CHN2: variants seen among roughly 807,000 people sequenced by gnomAD.
CHN2 encodes the protein beta-chimaerin.
Under a neutral mutation model 56.3 loss-of-function variants are expected in CHN2, and 35 were observed. The observed-to-expected ratio is 0.62, with a 90% CI of 0.47 to 0.82. CHN2 has a LOEUF of 0.82. Among genes scored for constraint, CHN2 ranks in the 40% least tolerant of loss-of-function variants. The pLI is 0.00. For missense variants in CHN2, 491 were observed against 580.5 expected (o/e 0.85, Z 1.58); for synonymous variants, 210 against 212.8 (o/e 0.99, Z 0.12).
At chr7:29,346,883 C>T (rs1797481709) in intron 1 of CHN2, among the ~76,000 whole-genome samples, 3 of 152,158 alleles carry the variant, frequency 2.0e-5, no homozygotes, top group Admixed American at 6.5e-5. Context: ...TACACTTGCT[C>T]CTCAGGTGAT....
rs546703839 is a variant in CHN2 at position 29,436,858 on chromosome 7, C to T, written c.576+36030C>T. On this transcript the variant is annotated intron_variant, in intron 6 of 12. Transcript: ENST00000222792. ...TACAATACACATTCACAGAATTCCC[C>T]GGGTCTTAAACTTTTATATTCCAAT... 1.3e-4 allele frequency among the ~76,000 whole-genome samples: 19 copies of T among 151,912 alleles called. No individual in the cohort carries two copies. In the East Asian group the frequency reaches 2.1e-3, roughly 17 times the overall value.
chr7:29,434,378 C>T (rs75566169), intron 6 of CHN2, among the ~76,000 whole-genome samples: 4,329 of 147,924 alleles, frequency 0.029, 95 homozygotes, highest in Middle Eastern at 0.049. Flanking sequence ...AACAACAGAC[C>T]TTTTTTTTTT....
chr7:29,231,821 G>A (rs1030308075), intron 1 of CHN2, among the ~76,000 whole-genome samples: 2 of 152,098 alleles, frequency 1.3e-5, no homozygotes, highest in African/African-American at 2.4e-5. Context: ...TTGGTTGTAT[G>A]TTGCTTGTTG....
At chr7:29,151,748 C>T (rs367566900) in intron 2 of CHN2, among the ~76,000 whole-genome samples, 15 of 152,130 alleles carry the variant, frequency 9.9e-5, no homozygotes, top group African/African-American at 2.2e-4. Flanking sequence ...AGCTGTGTGA[C>T]CTTTGCTGTG....
chr7:29,376,240 G>A (rs1800069209), intron 3 of CHN2: 1 of 152,188 alleles, frequency 6.6e-6, no homozygotes, highest in Non-Finnish European at 1.5e-5. Context: ...CACATATGGA[G>A]TACTTCCTGT....
intron 1 of CHN2, among the ~76,000 whole-genome samples, chr7:29,267,286 A>T (rs938416764): frequency 4.7e-5 from 7 of 150,488 alleles, no homozygotes; most frequent in African/African-American, 1.7e-4. Context: ...TCTGTTGCCC[A>T]GGCTGGAGTG....
intron 3 of CHN2, among the ~76,000 whole-genome samples, chr7:29,381,636 T>C (rs1218859773): frequency 6.6e-6 from 1 of 151,948 alleles, no homozygotes; most frequent in African/African-American, 2.4e-5. Flanking sequence ...CTCAGGGTTT[T>C]GGAACTGCTG....
intron 2 of CHN2, among the ~76,000 whole-genome samples, chr7:29,147,654 A>G (rs1476273709): frequency 6.6e-6 from 1 of 152,188 alleles, no homozygotes; most frequent in Non-Finnish European, 1.5e-5. Context: ...TCCATATGGA[A>G]GTACTTCCTA....
chr7:29,188,866 C>T (rs573317373), intron 2 of CHN2, among the ~76,000 whole-genome samples: 3 of 151,988 alleles, frequency 2.0e-5, no homozygotes, highest in African/African-American at 7.2e-5. Flanking sequence ...AAATTTGTCC[C>T]AGTTGAAATG....
intron 12 of CHN2, among the ~76,000 whole-genome samples, chr7:29,509,835 A>G (rs1230797770): frequency 8.1e-6 from 1 of 122,938 alleles, no homozygotes; most frequent in East Asian, 2.4e-4. Context: ...ACAGAGCGAG[A>G]CTCCATCTCA....
At chr7:29,506,125 A>C (rs1790535098) in intron 10 of CHN2, among the ~76,000 whole-genome samples, 1 of 152,172 alleles carries the variant, frequency 6.6e-6, no homozygotes, top group Non-Finnish European at 1.5e-5. Context: ...GGTAAAACTA[A>C]AAGTCAAAAA....
At position 29,426,862 on chromosome 7, in the gene CHN2, C is replaced by T. The variant is rs181071914; in HGVS notation, c.576+26034C>T. On this transcript the variant is annotated intron_variant, in intron 6 of 12. Coordinates refer to ENST00000222792, the MANE Select transcript of CHN2 (RefSeq NM_004067.4). The stretch of plus-strand genomic sequence containing the variant: ...GCTCCTTACTTCCTTGCTGGCTGTC[C>T]GCTGGGGACTGGCCATTGCTCCCGG... Among the ~76,000 whole-genome samples the T allele has an allele frequency of 6.0e-3, 906 of 152,196 alleles. 4 individuals are homozygous for T. The highest frequency in any genetic ancestry group is 0.021 in the African/African-American group (852 of 41,530).
chr7:29,170,765 T>C (rs895154264), intron 2 of CHN2, among the ~76,000 whole-genome samples: 3 of 152,188 alleles, frequency 2.0e-5, no homozygotes, highest in Non-Finnish European at 4.4e-5. Context: ...ATTGGACTTA[T>C]AGTTCCATAT....
intron 1 of CHN2, among the ~76,000 whole-genome samples, chr7:29,331,949 T>C (rs1053622818): frequency 1.3e-5 from 2 of 150,528 alleles, no homozygotes; most frequent in African/African-American, 4.9e-5. Flanking sequence ...AAGGTGGAGA[T>C]TGCAGTGAGC....
intron 3 of CHN2, 40 bp from the exon 4 acceptor site, chr7:29,393,639 A>G: frequency 1.2e-6 from 1 of 825,088 alleles, no homozygotes; most frequent in Non-Finnish European, 1.8e-6. Context: ...GCTGATTTGA[A>G]TTCAAATGCA....
At chr7:29,224,823 T>C (rs1786069492) in intron 1 of CHN2, among the ~76,000 whole-genome samples, 1 of 152,236 alleles carries the variant, frequency 6.6e-6, no homozygotes, top group Non-Finnish European at 1.5e-5. Flanking sequence ...TTATATGCCT[T>C]ATGCCATAAA....
chr7:29,497,039 C>G (rs1039755540), intron 8 of CHN2, among the ~76,000 whole-genome samples: 2 of 152,206 alleles, frequency 1.3e-5, no homozygotes, highest in Non-Finnish European at 2.9e-5. Context: ...CTAAGTCCTC[C>G]TCTCTGCCTG....
intron 4 of CHN2, among the ~76,000 whole-genome samples, chr7:29,394,966 T>A (rs1009024646): frequency 6.6e-6 from 1 of 152,236 alleles, no homozygotes; most frequent in Non-Finnish European, 1.5e-5. Flanking sequence ...TTTTATTAGA[T>A]GGTAATTAGC....
chr7:29,405,164 T>TACACACACACACACACACACACAC lies in CHN2; in HGVS notation c.576+4371_576+4394dup, dbSNP rs57823678. Among the ~76,000 whole-genome samples, 16 of 105,218 alleles carry TACACACACACACACACACACACAC rather than the reference T, an allele frequency of 1.5e-4. 3 individuals carry two copies. The highest frequency in any genetic ancestry group is 2.3e-4 in the Non-Finnish European group (11 of 48,742). 69.0% of individuals were successfully genotyped at this position (105,218 alleles called of 152,430 possible). A position where few individuals can be genotyped will look rare whatever the true frequency, so the allele number is the denominator to read the frequency against. ...TCTGTATGGAGTGCTTATGTCACCA[T>TACACACACACACACACACACACAC]ACACACACACACACACACACACACA... On this transcript the variant is annotated intron_variant, in intron 6 of 12. Transcript: ENST00000222792.
Sources: allele counts gnomAD v4.1 joint callset (sites outside exome capture counted in the v4.1 genomes callset), GRCh38; gene constraint gnomAD v4.1.1; transcripts MANE v1.5; gene names NCBI Gene and HGNC (gene_info 2026-07-23, HGNC 2026-07-21).